DNASE1: variants seen among roughly 807,000 people sequenced by gnomAD.
DNASE1 encodes deoxyribonuclease-1.
A neutral mutation model predicts 33.9 loss-of-function variants in DNASE1; 40 were observed. That is an observed-to-expected ratio of 1.18 (90% confidence interval 0.92 to 1.54). The LOEUF is 1.54. Ranked by LOEUF, DNASE1 falls within the 40% of genes most tolerant of loss-of-function variation. The pLI, the probability that DNASE1 is intolerant of heterozygous loss-of-function variation, is 0.00. For missense variants in DNASE1, 518 were observed against 372.6 expected (o/e 1.39, Z -3.21); for synonymous variants, 216 against 160.0 (o/e 1.35, Z -2.64).
Position 3,624,400 on chromosome 16 carries a change from C to T in DNASE1, c.-1359+12394C>T, listed in dbSNP as rs1567188591. The stretch of plus-strand genomic sequence containing the variant: ...ATTTTTACATTAAAATTGTTATTGG[C>T]CAGCTGCGTAAGGCACCTGGTGGTG... On this transcript the variant is annotated intron_variant and NMD_transcript_variant, in intron 1 of 11. Coordinates refer to the DNASE1 transcript ENST00000570769. 2.6e-5 allele frequency among the ~76,000 whole-genome samples: 4 copies of T among 152,106 alleles called. 1 individual carries two copies. The South Asian group carries it at 8.3e-4, about 32-fold the overall frequency.
At chr16:3,663,650 G>C in exon 10 of DNASE1, 1 of 1,556,962 alleles carries the variant, frequency 6.4e-7, no homozygotes, top group Non-Finnish European at 8.7e-7. Flanking sequence ...AGGGCTGGGG[G>C]AGCCAAGCGG....
intron 1 of DNASE1, among the ~76,000 whole-genome samples, chr16:3,617,310 G>A (rs1276565339): frequency 2.1e-5 from 2 of 96,602 alleles, no homozygotes; most frequent in Non-Finnish European, 3.5e-5. Flanking sequence ...TAGTCAACAA[G>A]AGCGAAACTC....
Position 3,657,797 on chromosome 16 carries a change from A to T in DNASE1, c.782A>T (p.Tyr261Phe), listed in dbSNP as rs368045366. ...CTTCCCTTTAACTTCCAGGCTGCCTATGGCCTGAGTGACCAACTGGTATGT... is the reference window on the plus strand; with the variant it reads ...CTTCCCTTTAACTTCCAGGCTGCCTTTGGCCTGAGTGACCAACTGGTATGT... Reference protein sequence around the residue: ...SALPFNFQAAYGLSDQLAQAI... With the variant: ...SALPFNFQAAFGLSDQLAQAI... The change falls in exon 8 of 9, where the codon TAT becomes TTT. Residue 261 changes from tyrosine to phenylalanine, a missense_variant. Tyr to Phe is a conservative substitution (Grantham distance 22, BLOSUM62 3). Transcript: ENST00000246949. 1.2e-6 allele frequency: 2 copies of T among 1,613,816 alleles called. No homozygotes were observed. Among genetic ancestry groups the T allele is most frequent in the Non-Finnish European group, 1.7e-6 (2 of 1,179,898 alleles).
rs1256110354 is a variant in DNASE1, at chr16:3,656,098, C to T, written c.237-4C>T. 7 of 1,614,042 alleles carry T rather than the reference C, an allele frequency of 4.3e-6. No homozygotes were observed. Among genetic ancestry groups the T allele is most frequent in the Non-Finnish European group, 5.1e-6 (6 of 1,179,978 alleles). On this transcript the variant is annotated splice_polypyrimidine_tract_variant and splice_region_variant and intron_variant, in intron 3 of 8. Coordinates refer to ENST00000246949, the MANE Select transcript of DNASE1 (RefSeq NM_005223.4). ...CACTGGGACCTTTTGTTTCTTCAATCCAGGGATGCACCAGACACCTATCAC... is the reference window on the plus strand; with the variant it reads ...CACTGGGACCTTTTGTTTCTTCAATTCAGGGATGCACCAGACACCTATCAC...
chr16:3,654,549 C>A, upstream of DNASE1: 2 of 398,674 alleles, frequency 5.0e-6, no homozygotes, highest in Non-Finnish European at 8.8e-6. Flanking sequence ...TGGAGCCCAG[C>A]CCCACCCTCC....
At position 3,655,431 on chromosome 16, in the gene DNASE1, G is replaced by A. The variant is rs755459254; in HGVS notation, c.58G>A (p.Ala20Thr). Reference sequence around the variant, plus strand: ...GGCACTGGCGGCCCTACTGCAGGGGGCCGTGTCCCTGAAGATCGCAGCCTT... The same window carrying A: ...GGCACTGGCGGCCCTACTGCAGGGGACCGTGTCCCTGAAGATCGCAGCCTT... ...LLALAALLQG[A>T]VSLKIAAFNI... The change falls in exon 2 of 9, where the codon GCC (alanine) becomes ACC (threonine). Residue 20 changes from alanine (A) to threonine (T), a missense_variant. By Grantham distance (58) the Ala-to-Thr change is moderately conservative. Transcript: ENST00000246949. The A allele has an allele frequency of 2.5e-6, 4 of 1,614,110 alleles. No individual in the cohort carries two copies. The highest frequency in any genetic ancestry group is 2.2e-5 in the East Asian group (1 of 44,872).
intron 1 of DNASE1, among the ~76,000 whole-genome samples, chr16:3,620,870 G>A (rs1438409646): frequency 2.0e-5 from 3 of 151,878 alleles, no homozygotes; most frequent in Non-Finnish European, 1.5e-5. Context: ...GCGCAATGCC[G>A]GCTCACTGCA....
intron 1 of DNASE1, among the ~76,000 whole-genome samples, chr16:3,635,133 C>G (rs2041828645): frequency 2.0e-5 from 3 of 152,042 alleles, no homozygotes; most frequent in African/African-American, 7.2e-5. Flanking sequence ...GCTGTTATTA[C>G]CTTGAACAAA....
rs1346210438 is a variant in DNASE1, at chr16:3,657,005, G to C, written c.443G>C (p.Arg148Thr). Reference sequence around the variant, plus strand: ...GACGTGGCTGTCTCCACAGAGGTCAGGGAGTTTGCCATTGTTCCCCTGCAT... The same window carrying C: ...GACGTGGCTGTCTCCACAGAGGTCACGGAGTTTGCCATTGTTCCCCTGCAT... Reference protein sequence around the residue: ...VRFFSRFTEVREFAIVPLHAA... With the variant: ...VRFFSRFTEVTEFAIVPLHAA... Residue 148 changes from arginine (R) to threonine (T), a missense_variant, in exon 6 of 9, where the codon AGG (arginine) becomes ACG (threonine). Transcript: ENST00000246949. The C allele has an allele frequency of 1.9e-6, 3 of 1,613,636 alleles. No homozygotes were observed. In the Admixed American group the frequency reaches 5.0e-5, roughly 27 times the overall value.
intron 1 of DNASE1, 55 bp from the exon 2 acceptor site, chr16:3,655,318 G>C: frequency 6.2e-7 from 1 of 1,610,176 alleles, no homozygotes; most frequent in Non-Finnish European, 8.5e-7. Context: ...CTGGAGTGCT[G>C]TGGCAGGGAT....
chr16:3,656,264 T>G (rs2042609607), intron 4 of DNASE1, 79 bp downstream of exon 4: 2 of 1,453,046 alleles, frequency 1.4e-6, no homozygotes, highest in Non-Finnish European at 1.9e-6. Flanking sequence ...TTTGTCCTAT[T>G]AGTTTGTCCT....
chr16:3,658,977 G>T, downstream of DNASE1: 2 of 1,065,328 alleles, frequency 1.9e-6, no homozygotes, highest in East Asian at 2.6e-5. Flanking sequence ...ACTGTCTGTA[G>T]TTTTTTAAAT....
downstream of DNASE1, chr16:3,662,852 A>G (rs34157278): frequency 0.071 from 113,536 of 1,610,330 alleles, 4,837 homozygotes; most frequent in Non-Finnish European, 0.077. Context: ...ACTGCGGCCA[A>G]GTGGTGGTCC....
At chr16:3,628,189 T>G (rs892729687) in intron 1 of DNASE1, among the ~76,000 whole-genome samples, 1 of 152,186 alleles carries the variant, frequency 6.6e-6, no homozygotes, top group Non-Finnish European at 1.5e-5. Flanking sequence ...ATTTTATTCT[T>G]TTTAATGCTA....
chr16:3,661,881 A>T, downstream of DNASE1: 1 of 1,385,830 alleles, frequency 7.2e-7, no homozygotes, highest in South Asian at 1.5e-5. Context: ...ACATGTCCAC[A>T]GGCCTCACGC....
At chr16:3,624,291 T>C (rs749901599) in intron 1 of DNASE1, among the ~76,000 whole-genome samples, 9 of 150,510 alleles carry the variant, frequency 6.0e-5, no homozygotes, top group Non-Finnish European at 4.4e-5. Flanking sequence ...AAAAGGTTAG[T>C]GGCTTTTGTG....
At chr16:3,626,727 G>C (rs2041524146) in intron 1 of DNASE1, among the ~76,000 whole-genome samples, 2 of 152,172 alleles carry the variant, frequency 1.3e-5, no homozygotes, top group Admixed American at 6.6e-5. Flanking sequence ...CTCCAGCTCT[G>C]ATAGTGGATT....
intron 1 of DNASE1, among the ~76,000 whole-genome samples, chr16:3,645,851 G>A (rs931406449): frequency 1.1e-4 from 17 of 152,202 alleles, no homozygotes; most frequent in East Asian, 1.9e-4. Context: ...AGGCTGGGGC[G>A]CAGACCAAGG....
At chr16:3,640,247 A>C (rs1163700149), upstream of DNASE1, among the ~76,000 whole-genome samples, 3 of 152,160 alleles carry the variant, frequency 2.0e-5, no homozygotes, top group Admixed American at 6.5e-5. Flanking sequence ...ACCCAGGCAC[A>C]GATCTGTTTT....
Sources: allele counts gnomAD v4.1 joint callset (sites outside exome capture counted in the v4.1 genomes callset), GRCh38; gene constraint gnomAD v4.1.1; transcripts MANE v1.5; gene names NCBI Gene and HGNC (gene_info 2026-07-23, HGNC 2026-07-21).